Variants in PLCL1 observed in about 807,000 individuals in gnomAD.
PLCL1 encodes phospholipase C like 1 (inactive).
A neutral mutation model predicts 84.4 loss-of-function variants in PLCL1; 41 were observed. The ratio of observed to expected loss-of-function variants is 0.49; its 90% CI spans 0.38 to 0.63. The LOEUF (loss-of-function observed/expected upper bound fraction) is 0.63. PLCL1 is among the 30% of genes least tolerant of loss of function. PLCL1 has a pLI of 0.00. For missense variants in PLCL1, 1,206 were observed against 1,367.8 expected (o/e 0.88, Z 1.87); for synonymous variants, 490 against 488.3 (o/e 1.00, Z -0.05).
intron 1 of PLCL1, among the ~76,000 whole-genome samples, chr2:198,063,045 G>A (rs1029531538): frequency 6.6e-6 from 1 of 152,178 alleles, no homozygotes; most frequent in Admixed American, 6.5e-5. Flanking sequence ...GACCACTGAT[G>A]TAGTGGAAAG....
chr2:198,022,616 A>G (rs1024995619), intron 1 of PLCL1, among the ~76,000 whole-genome samples: 7 of 152,204 alleles, frequency 4.6e-5, no homozygotes, highest in Non-Finnish European at 1.0e-4. Flanking sequence ...AGACAAACAG[A>G]GGGACAAATC....
At position 198,085,758 on chromosome 2, in the gene PLCL1, T is replaced by G. The variant is rs775784784; in HGVS notation, c.2241T>G (p.Asp747Glu). ...KGACAKGDVI[D>E]PYVCIEIHGI... ...CTTGTGCCAAAGGGGATGTCATAGATCCCTATGTTTGTATAGAGATACACG... is the reference window on the plus strand; with the variant it reads ...CTTGTGCCAAAGGGGATGTCATAGAGCCCTATGTTTGTATAGAGATACACG... The change falls in exon 2 of 6, where the codon GAT (aspartate) becomes GAG (glutamate). Residue 747 changes from aspartate (D) to glutamate (E), a missense_variant. Coordinates refer to ENST00000428675, the MANE Select transcript of PLCL1 (RefSeq NM_006226.4). The surrounding 1 kb of genome is among the most constrained non-coding windows in gnomAD (Gnocchi z 5.3). 3.1e-6 allele frequency: 5 copies of G among 1,614,018 alleles called. No homozygotes were observed. In the Admixed American group the frequency reaches 8.3e-5, roughly 27 times the overall value.
chr2:198,030,364 C>T (rs150508750), intron 1 of PLCL1, among the ~76,000 whole-genome samples: 8 of 152,144 alleles, frequency 5.3e-5, no homozygotes, highest in East Asian at 3.9e-4. Flanking sequence ...TAACACTGCC[C>T]GGTGATTGTG....
chr2:197,876,808 T>C (rs1687742435), intron 1 of PLCL1, among the ~76,000 whole-genome samples: 1 of 152,132 alleles, frequency 6.6e-6, no homozygotes, highest in African/African-American at 2.4e-5. Context: ...CAAAATCCAT[T>C]TACAAATAAA....
At chr2:197,968,689 A>G (rs1156808056) in intron 1 of PLCL1, among the ~76,000 whole-genome samples, 1 of 152,182 alleles carries the variant, frequency 6.6e-6, no homozygotes, top group African/African-American at 2.4e-5. Context: ...GTCTCTCAAT[A>G]CCAGTACAGG....
intron 1 of PLCL1, among the ~76,000 whole-genome samples, chr2:197,975,520 A>G (rs531946286): frequency 2.6e-4 from 40 of 152,272 alleles, no homozygotes; most frequent in Middle Eastern, 3.4e-3. Flanking sequence ...GTCTTTAAAA[A>G]TCATCCCTAA....
intron 1 of PLCL1, among the ~76,000 whole-genome samples, chr2:197,988,624 T>C (rs1690269903): frequency 6.6e-6 from 1 of 152,234 alleles, no homozygotes; most frequent in Non-Finnish European, 1.5e-5. Flanking sequence ...ACTCATTGAT[T>C]GATGGGAACT....
chr2:198,091,141 T>C (rs1400142289), intron 3 of PLCL1, among the ~76,000 whole-genome samples: 1 of 152,152 alleles, frequency 6.6e-6, no homozygotes, highest in African/African-American at 2.4e-5. Flanking sequence ...TTATACCACA[T>C]GGTAAACTTG....
intron 1 of PLCL1, among the ~76,000 whole-genome samples, chr2:197,844,572 G>T (rs935155389): frequency 2.6e-5 from 4 of 152,018 alleles, no homozygotes; most frequent in Admixed American, 6.6e-5. Flanking sequence ...AAATGTCTAA[G>T]ATTATAAGGA....
At chr2:198,025,062 A>G (rs1691231085) in intron 1 of PLCL1, among the ~76,000 whole-genome samples, 1 of 152,080 alleles carries the variant, frequency 6.6e-6, no homozygotes, top group African/African-American at 2.4e-5. Flanking sequence ...TTGTTTTTTA[A>G]GAGTTGTTTT....
In PLCL1 at chr2:198,033,695, T is replaced by TC. The variant is rs1691485569; in HGVS notation, c.241-50059dup. 2.0e-5 allele frequency among the ~76,000 whole-genome samples: 3 copies of TC among 152,270 alleles called. 1 individual carries two copies. The highest frequency in any genetic ancestry group is 7.2e-5 in the African/African-American group (3 of 41,546). ...TTTGTGTAACATTGGAAATCACCCA[T>TC]CCCCTTTTCTGTTGGAAACTTTCTT... is the stretch of plus-strand genomic sequence containing the variant. On this transcript the variant is annotated intron_variant, in intron 1 of 5. Coordinates refer to ENST00000428675, the MANE Select transcript of PLCL1 (RefSeq NM_006226.4).
At chr2:198,014,374 T>C (rs1341019560) in intron 1 of PLCL1, among the ~76,000 whole-genome samples, 1 of 152,080 alleles carries the variant, frequency 6.6e-6, no homozygotes, top group Non-Finnish European at 1.5e-5. Context: ...ACCATCAATG[T>C]GAGCTTGGTC....
At position 197,886,546 on chromosome 2, in the gene PLCL1, G is replaced by A. The variant is rs577197629; in HGVS notation, c.240+81207G>A. 3.7e-4 allele frequency among the ~76,000 whole-genome samples: 56 copies of A among 151,232 alleles called. No homozygotes were observed. In the South Asian group the frequency reaches 0.011, roughly 30 times the overall value. On this transcript the variant is annotated intron_variant, in intron 1 of 5. Coordinates refer to ENST00000428675, the MANE Select transcript of PLCL1 (RefSeq NM_006226.4). ...CCCTGGATTGTCAGTTTATTTGAAG[G>A]TTTGTGGAAAAAAAAATTATCAGAT...
At chr2:198,091,810 G>A (rs1053271699) in intron 3 of PLCL1, among the ~76,000 whole-genome samples, 1 of 151,260 alleles carries the variant, frequency 6.6e-6, no homozygotes, top group Non-Finnish European at 1.5e-5. Flanking sequence ...TCCTCCAATG[G>A]GTTCCATTAA....
intron 1 of PLCL1, among the ~76,000 whole-genome samples, chr2:197,987,859 G>A (rs1690249543): frequency 6.6e-6 from 1 of 152,152 alleles, no homozygotes; most frequent in Non-Finnish European, 1.5e-5. Context: ...TTTCAGTTTT[G>A]AAAACATGGG....
At chr2:197,817,566 C>CCCCATG (rs1178475151) in intron 1 of PLCL1, among the ~76,000 whole-genome samples, 7 of 152,146 alleles carry the variant, frequency 4.6e-5, no homozygotes, top group African/African-American at 1.7e-4. Flanking sequence ...AGGCCTGTGT[C>CCCCATG]CCCATGCCTG....
rs1693693464 is a variant in PLCL1, at chr2:198,114,565, A to C, written c.3105+10629A>C. 2.6e-5 allele frequency among the ~76,000 whole-genome samples: 4 copies of C among 152,010 alleles called. No homozygotes were observed. In the South Asian group the frequency reaches 8.3e-4, roughly 32 times the overall value. On this transcript the variant is annotated intron_variant, in intron 5 of 5. Coordinates refer to ENST00000428675, the MANE Select transcript of PLCL1 (RefSeq NM_006226.4). ...TTAGCCTAAGGTGAGTTGTAGCTTA[A>C]GTGAGTTTGATGTCTTAACTCTGCA...
chr2:197,811,625 A>G (rs949031619), intron 1 of PLCL1, among the ~76,000 whole-genome samples: 2 of 152,218 alleles, frequency 1.3e-5, no homozygotes, highest in Non-Finnish European at 2.9e-5. Flanking sequence ...TCGTTTCCAT[A>G]TATTTCTTAA....
chr2:197,995,195 AT>A (rs1316540549), intron 1 of PLCL1, among the ~76,000 whole-genome samples: 1 of 152,134 alleles, frequency 6.6e-6, no homozygotes, highest in African/African-American at 2.4e-5. Context: ...ATGTGCTACC[AT>A]TTTAGGTAAA....
Sources: allele counts gnomAD v4.1 joint callset (sites outside exome capture counted in the v4.1 genomes callset), GRCh38; gene constraint gnomAD v4.1.1; non-coding constraint Gnocchi (gnomAD v3.1); transcripts MANE v1.5; gene names NCBI Gene and HGNC (gene_info 2026-07-23, HGNC 2026-07-21).